Variants in PRR5L observed in about 807,000 individuals in gnomAD.
The protein encoded by PRR5L is proline-rich protein 5-like.
In PRR5L, 21 loss-of-function variants were observed where a neutral mutation model predicts 36.4. The ratio of observed to expected loss-of-function variants is 0.58; its 90% CI spans 0.41 to 0.83. The LOEUF (loss-of-function observed/expected upper bound fraction) is 0.83. Among genes scored for constraint, PRR5L ranks in the 40% least tolerant of loss-of-function variants. The pLI is 0.00. For synonymous variants in PRR5L, 188 were observed against 197.0 expected (o/e 0.95, Z 0.38); for missense variants, 381 against 473.3 (o/e 0.80, Z 1.81).
At chr11:36,430,100 T>C (rs750481658) in intron 4 of PRR5L, among the ~76,000 whole-genome samples, 3 of 152,136 alleles carry the variant, frequency 2.0e-5, no homozygotes, top group Non-Finnish European at 4.4e-5. Flanking sequence ...GATTTGGTGT[T>C]CTATCTGCCA....
chr11:36,408,544 TC>T (rs1288319880), intron 3 of PRR5L, among the ~76,000 whole-genome samples: 1 of 152,194 alleles, frequency 6.6e-6, no homozygotes, highest in Non-Finnish European at 1.5e-5. Context: ...CTGCCAGAGT[TC>T]GGGCTGATTC....
intron 5 of PRR5L, among the ~76,000 whole-genome samples, chr11:36,433,285 C>A (rs1858537988): frequency 6.6e-6 from 1 of 151,992 alleles, no homozygotes; most frequent in Non-Finnish European, 1.5e-5. Context: ...CCCCCGACAG[C>A]CACCATCTTA....
At chr11:36,376,613 G>T in intron 1 of PRR5L, 3 of 992,770 alleles carry the variant, frequency 3.0e-6, no homozygotes, top group Non-Finnish European at 3.6e-6. Flanking sequence ...CGGGAAGACC[G>T]GAAACTTTTT....
At chr11:36,370,745 G>A (rs936325400) in intron 1 of PRR5L, among the ~76,000 whole-genome samples, 4 of 152,054 alleles carry the variant, frequency 2.6e-5, no homozygotes, top group Non-Finnish European at 4.4e-5. Context: ...GCTGGGTGTG[G>A]TGGCAGGCAC....
At chr11:36,313,082 C>T (rs1856520453) in intron 1 of PRR5L, among the ~76,000 whole-genome samples, 2 of 152,236 alleles carry the variant, frequency 1.3e-5, no homozygotes, top group Admixed American at 1.3e-4. Context: ...TGTTTATTCC[C>T]TGTGTAGTTG....
chr11:36,339,066 G>A (rs548819311), intron 1 of PRR5L, among the ~76,000 whole-genome samples: 91 of 152,252 alleles, frequency 6.0e-4, no homozygotes, highest in African/African-American at 2.0e-3. Flanking sequence ...TCATGATTGT[G>A]AGACCTTCCT....
At chr11:36,403,425 G>T in intron 3 of PRR5L, 47 bp downstream of exon 3, 2 of 1,499,912 alleles carry the variant, frequency 1.3e-6, no homozygotes, top group Non-Finnish European at 1.9e-6. Context: ...ATAAACCTGA[G>T]CAGGGGCATA....
intron 3 of PRR5L, among the ~76,000 whole-genome samples, 179 bp downstream of exon 3, chr11:36,403,557 A>G (rs1184195684): frequency 2.0e-5 from 3 of 149,396 alleles, no homozygotes; most frequent in African/African-American, 7.5e-5. Flanking sequence ...GTGTCTGTCT[A>G]GACTTCTGAT....
intron 3 of PRR5L, among the ~76,000 whole-genome samples, chr11:36,404,047 T>C (rs1160596388): frequency 1.3e-5 from 2 of 152,144 alleles, no homozygotes; most frequent in Non-Finnish European, 2.9e-5. Flanking sequence ...TCCATGGAAA[T>C]TACCTAGGTG....
intron 1 of PRR5L, among the ~76,000 whole-genome samples, chr11:36,358,908 C>A (rs1297763312): frequency 1.3e-5 from 2 of 152,186 alleles, no homozygotes; most frequent in African/African-American, 2.4e-5. Context: ...AGGGCTTTGG[C>A]ACCTGGCTAG....
chr11:36,407,314 T>G (rs1463244648), intron 3 of PRR5L, among the ~76,000 whole-genome samples: 2 of 152,068 alleles, frequency 1.3e-5, no homozygotes, highest in Non-Finnish European at 2.9e-5. Flanking sequence ...AAACCCCAGT[T>G]TCTACAAAAA....
chr11:36,376,792 T>G, intron 1 of PRR5L: 1 of 897,828 alleles, frequency 1.1e-6, no homozygotes, highest in Non-Finnish European at 1.3e-6. Context: ...TACCGCGCGC[T>G]AATCTGACGG....
chr11:36,298,787 G>T (rs1856342374), intron 1 of PRR5L, among the ~76,000 whole-genome samples: 1 of 152,158 alleles, frequency 6.6e-6, no homozygotes. Flanking sequence ...GTGTTGGAAG[G>T]TTTGTTTTCT....
chr11:36,366,239 A>T (rs976946539), intron 1 of PRR5L, among the ~76,000 whole-genome samples: 2 of 152,226 alleles, frequency 1.3e-5, no homozygotes, highest in Non-Finnish European at 2.9e-5. Context: ...AATGGGGATA[A>T]TAATAGCACC....
At chr11:36,438,286 C>G (rs1564949467) in intron 6 of PRR5L, among the ~76,000 whole-genome samples, 1 of 152,178 alleles carries the variant, frequency 6.6e-6, no homozygotes, top group East Asian at 1.9e-4. Context: ...CTTCTCTCCT[C>G]CCACTGGGGT....
At chr11:36,406,737 G>T (rs1857919669) in intron 3 of PRR5L, among the ~76,000 whole-genome samples, 1 of 152,206 alleles carries the variant, frequency 6.6e-6, no homozygotes. Flanking sequence ...GGCACAGGAT[G>T]GTAGGGATGT....
intron 3 of PRR5L, among the ~76,000 whole-genome samples, chr11:36,411,414 G>T (rs1373213581): frequency 6.6e-6 from 1 of 152,180 alleles, no homozygotes; most frequent in East Asian, 1.9e-4. Flanking sequence ...TGGTCAGCCT[G>T]GGAGGGAGAA....
At chr11:36,317,185 G>A (rs1225047037) in intron 1 of PRR5L, among the ~76,000 whole-genome samples, 2 of 152,202 alleles carry the variant, frequency 1.3e-5, no homozygotes, top group South Asian at 2.1e-4. Flanking sequence ...TCTCTTCTCC[G>A]CCTTTACAGG....
intron 1 of PRR5L, among the ~76,000 whole-genome samples, chr11:36,367,087 G>C (rs1372390012): frequency 6.6e-6 from 1 of 152,150 alleles, no homozygotes. Context: ...GAAGTGGGAA[G>C]GGTGTAAATG....
Sources: allele counts gnomAD v4.1 joint callset (sites outside exome capture counted in the v4.1 genomes callset), GRCh38; gene constraint gnomAD v4.1.1; transcripts MANE v1.5; gene names NCBI Gene and HGNC (gene_info 2026-07-23, HGNC 2026-07-21).